WWOX: variants seen among roughly 807,000 people sequenced by gnomAD.
WWOX encodes the protein WW domain containing oxidoreductase.
WWOX carries 69 observed loss-of-function variants against 46.2 expected under a neutral mutation model. The observed-to-expected ratio is 1.49, with a 90% CI of 1.23 to 1.82. The LOEUF (loss-of-function observed/expected upper bound fraction) is 1.82. Among genes scored for constraint, WWOX ranks in the 40% most tolerant of loss-of-function variants. The pLI is 0.00. For missense variants in WWOX, 919 were observed against 542.6 expected (o/e 1.69, Z -6.89); for synonymous variants, 359 against 202.6 (o/e 1.77, Z -6.56).
In WWOX at chr16:78,185,553, C is replaced by T. The variant is rs1041908748; in HGVS notation, c.516+21264C>T. Among the ~76,000 whole-genome samples the T allele has an allele frequency of 4.0e-5, 6 of 151,868 alleles. No individual in the cohort carries two copies. In the East Asian group the frequency reaches 9.7e-4, roughly 24 times the overall value. On this transcript the variant is annotated intron_variant, in intron 5 of 8. Coordinates refer to ENST00000566780, the MANE Select transcript of WWOX (RefSeq NM_016373.4). ...TTGGTAGAGAGCTTTAGATATATTA[C>T]TTCCCAGGGTGGTGCATCCTGTCAC...
chr16:78,904,062 A>G (rs1368281383), intron 8 of WWOX, among the ~76,000 whole-genome samples: 3 of 152,102 alleles, frequency 2.0e-5, no homozygotes, highest in Non-Finnish European at 4.4e-5. Flanking sequence ...AAATTAGGGA[A>G]CACCACGTAC....
chr16:78,202,712 G>A (rs2036269888), intron 5 of WWOX, among the ~76,000 whole-genome samples: 1 of 151,938 alleles, frequency 6.6e-6, no homozygotes, highest in Non-Finnish European at 1.5e-5. Context: ...CTAAAAGAGT[G>A]TCCTCCCAGT....
At chr16:78,364,820 G>A (rs539493606) in intron 5 of WWOX, among the ~76,000 whole-genome samples, 1 of 152,184 alleles carries the variant, frequency 6.6e-6, no homozygotes, top group Non-Finnish European at 1.5e-5. Context: ...GGGAGAGCAG[G>A]AGGGAACAAG....
intron 5 of WWOX, among the ~76,000 whole-genome samples, chr16:78,355,247 TG>T (rs2081260799): frequency 4.8e-5 from 5 of 104,164 alleles, no homozygotes; most frequent in African/African-American, 1.9e-4. Context: ...TGTGTGTGTG[TG>T]TGTCTGTATA....
chr16:78,715,240 AAC>A (rs144114590), intron 8 of WWOX, among the ~76,000 whole-genome samples: 2,902 of 152,328 alleles, frequency 0.019, 51 homozygotes, highest in Non-Finnish European at 0.026. Flanking sequence ...AGCTAACTGT[AAC>A]ACACAGAGCT....
intron 8 of WWOX, among the ~76,000 whole-genome samples, chr16:78,643,313 A>C (rs1485883336): frequency 2.0e-5 from 3 of 152,192 alleles, no homozygotes; most frequent in African/African-American, 7.2e-5. Context: ...GAAAACAACA[A>C]AATCAACCGT....
chr16:78,969,824 G>C (rs2046436017), intron 8 of WWOX, among the ~76,000 whole-genome samples: 1 of 152,158 alleles, frequency 6.6e-6, no homozygotes, highest in Non-Finnish European at 1.5e-5. Flanking sequence ...AAAGTAGAGT[G>C]GTTGCCAGGG....
At chr16:78,302,043 C>T (rs976153427) in intron 5 of WWOX, among the ~76,000 whole-genome samples, 6 of 152,012 alleles carry the variant, frequency 3.9e-5, no homozygotes, top group Non-Finnish European at 8.8e-5. Context: ...TGATTGTAAC[C>T]TCCACCTCCC....
intron 8 of WWOX, 63 bp from the exon 9 acceptor site, chr16:79,211,545 A>T (rs569323437): frequency 2.5e-6 from 4 of 1,609,178 alleles, no homozygotes; most frequent in Non-Finnish European, 3.4e-6. Flanking sequence ...GGCAGTCGAA[A>T]TGACGCCATC....
intron 1 of WWOX, among the ~76,000 whole-genome samples, chr16:78,104,923 T>A (rs746370148): frequency 1.3e-5 from 2 of 152,186 alleles, no homozygotes; most frequent in Non-Finnish European, 1.5e-5. Context: ...TTAAATGACT[T>A]CTTCAAGGGC....
At chr16:78,558,403 C>G (rs1567643425) in intron 8 of WWOX, among the ~76,000 whole-genome samples, 2 of 152,224 alleles carry the variant, frequency 1.3e-5, no homozygotes, top group South Asian at 4.1e-4. Context: ...GACATCCCAT[C>G]AAAATTGGGA....
chr16:78,125,099 C>G (rs772359803), intron 4 of WWOX, among the ~76,000 whole-genome samples: 27 of 152,166 alleles, frequency 1.8e-4, no homozygotes, highest in Non-Finnish European at 3.2e-4. Context: ...CTACAATGTA[C>G]TTAATTGTTA....
At chr16:78,957,360 C>T (rs974422050) in intron 8 of WWOX, among the ~76,000 whole-genome samples, 1 of 152,164 alleles carries the variant, frequency 6.6e-6, no homozygotes, top group Admixed American at 6.5e-5. Context: ...TTAGCTTGAG[C>T]TGAATTGTTC....
intron 8 of WWOX, among the ~76,000 whole-genome samples, chr16:78,747,735 C>T (rs1309008934): frequency 6.6e-6 from 1 of 152,328 alleles, no homozygotes. Context: ...GAGCGTCAGC[C>T]CATGAGCTTA....
intron 5 of WWOX, among the ~76,000 whole-genome samples, chr16:78,285,449 A>AT (rs1213577430): frequency 2.0e-5 from 3 of 151,586 alleles, no homozygotes; most frequent in East Asian, 1.9e-4. Context: ...ATAAAAACTA[A>AT]AAAAAAAATT....
intron 8 of WWOX, among the ~76,000 whole-genome samples, chr16:78,753,061 G>T (rs2049525896): frequency 6.6e-6 from 1 of 152,112 alleles, no homozygotes; most frequent in African/African-American, 2.4e-5. Flanking sequence ...TTGGGAGGCC[G>T]AGGCGGGTGG....
At chr16:78,193,142 C>T (rs1462959630) in intron 5 of WWOX, among the ~76,000 whole-genome samples, 1 of 152,206 alleles carries the variant, frequency 6.6e-6, no homozygotes, top group Non-Finnish European at 1.5e-5. Flanking sequence ...CATTGTTGTA[C>T]CTCATGTGTG....
chr16:78,700,207 A>G (rs1431537473), intron 8 of WWOX, among the ~76,000 whole-genome samples: 1 of 148,214 alleles, frequency 6.7e-6, no homozygotes, highest in Non-Finnish European at 1.5e-5. Context: ...CCAGTTCTGG[A>G]GGCTGGAAGT....
intron 5 of WWOX, among the ~76,000 whole-genome samples, chr16:78,359,483 T>A (rs1166100977): frequency 6.6e-6 from 1 of 152,174 alleles, no homozygotes; most frequent in Non-Finnish European, 1.5e-5. Context: ...TAGTTGGTAC[T>A]TAAGAAATCG....
Sources: gnomAD v4.1 joint callset for allele counts (sites outside exome capture counted in the v4.1 genomes callset) on GRCh38, gnomAD v4.1.1 for gene constraint, MANE v1.5 for transcripts, NCBI Gene and HGNC (gene_info 2026-07-23, HGNC 2026-07-21) for gene names.